Variants in DOCK4 observed in about 807,000 individuals in gnomAD.
DOCK4 encodes dedicator of cytokinesis protein 4.
Under a neutral mutation model 268.1 loss-of-function variants are expected in DOCK4, and 97 were observed. The ratio of observed to expected loss-of-function variants is 0.36; its 90% confidence interval spans 0.31 to 0.43. The LOEUF is 0.43. Ranked by LOEUF, DOCK4 falls within the 20% of genes least tolerant of loss-of-function variation. The pLI is 1.00. For missense variants in DOCK4, 2,145 were observed against 2,455.7 expected (o/e 0.87, Z 2.67); for synonymous variants, 954 against 887.2 (o/e 1.08, Z -1.34).
intron 30 of DOCK4, among the ~76,000 whole-genome samples, chr7:111,795,097 G>A (rs1191710267): frequency 1.3e-5 from 2 of 152,092 alleles, no homozygotes; most frequent in Non-Finnish European, 2.9e-5. Flanking sequence ...ATCATTCCAT[G>A]TGGTTGGGAT....
rs779379252 is a variant in DOCK4, at chr7:111,808,898, C to G, written c.3108-19G>C. ...ACCATACCTGAAATAGAACAAAAAA[C>G]CAAACCTGATACAATGCCTCCAGAA... On this transcript the variant is annotated intron_variant, in intron 29 of 52. Coordinates refer to ENST00000428084, the MANE Select transcript of DOCK4 (RefSeq NM_001363540.2). 1 of 1,610,164 alleles carries G rather than the reference C, an allele frequency of 6.2e-7. No individual in the cohort carries two copies. The highest frequency in any genetic ancestry group is 1.3e-5 in the African/African-American group (1 of 74,924).
chr7:111,760,206 C>T lies in DOCK4; in HGVS notation c.4137G>A (p.Glu1379=), dbSNP rs1468417535. ...ACTGAGCTTCTGCCTGGAAGATGGT[C>T]TCATCGGGCTGGTTGGCGTGCTGCA... is the stretch of plus-strand genomic sequence containing the variant. ...IAMQHANQPD[E]TIFQAEAQYL... is the part of the protein sequence containing the mutation. The change falls in exon 40 of 53, where the codon GAG becomes GAA. Residue 1379 remains glutamate (E), a synonymous_variant. Coordinates refer to ENST00000428084, the MANE Select transcript of DOCK4 (RefSeq NM_001363540.2). 1.2e-6 allele frequency: 2 copies of T among 1,613,876 alleles called. No individual in the cohort carries two copies. Among genetic ancestry groups the T allele is most frequent in the East Asian group, 2.2e-5 (1 of 44,896 alleles).
At chr7:112,035,198 A>T (rs1803646715) in intron 1 of DOCK4, among the ~76,000 whole-genome samples, 1 of 152,204 alleles carries the variant, frequency 6.6e-6, no homozygotes, top group South Asian at 2.1e-4. Flanking sequence ...TCCCAGATAA[A>T]GTAGAAATAA....
At chr7:112,175,870 T>C (rs1315036512) in intron 1 of DOCK4, among the ~76,000 whole-genome samples, 1 of 152,212 alleles carries the variant, frequency 6.6e-6, no homozygotes. Flanking sequence ...TACATTGAAA[T>C]TTAAGTGTGC....
intron 41 of DOCK4, among the ~76,000 whole-genome samples, chr7:111,756,962 A>T (rs1797062740): frequency 6.6e-6 from 1 of 151,984 alleles, no homozygotes; most frequent in Admixed American, 6.6e-5. Flanking sequence ...AGCCTGCGGG[A>T]GGAGGACAGC....
chr7:111,769,600 G>A lies in DOCK4; in HGVS notation c.3757C>T (p.Pro1253Ser). 6.2e-7 allele frequency: 1 copy of A among 1,613,818 alleles called. No individual in the cohort carries two copies. The highest frequency in any genetic ancestry group is 8.5e-7 in the Non-Finnish European group (1 of 1,179,822). Residue 1253 changes from proline (P) to serine (S), a missense_variant, in exon 37 of 53, where the codon CCC becomes TCC. Pro to Ser is a moderately conservative substitution (Grantham distance 74). Transcript: ENST00000428084. ...TTGCGCTGCCATTCTGTTTGCATGGGGTAGGTCAGGAACTCCCTGAGGGGC... is the reference window on the plus strand; with the variant it reads ...TTGCGCTGCCATTCTGTTTGCATGGAGTAGGTCAGGAACTCCCTGAGGGGC... ...DRPLREFLTY[P>S]MQTEWQRKEH...
At chr7:111,938,142 A>G (rs2134741137) in intron 11 of DOCK4, among the ~76,000 whole-genome samples, 1 of 152,346 alleles carries the variant, frequency 6.6e-6, no homozygotes, top group Admixed American at 6.5e-5. Context: ...TTTCACCAAA[A>G]GTTTTCAAGT....
chr7:112,082,486 T>TTATTGCCTATTA (rs1224712669), intron 1 of DOCK4, among the ~76,000 whole-genome samples: 3 of 152,202 alleles, frequency 2.0e-5, no homozygotes, highest in South Asian at 2.1e-4. Flanking sequence ...GATAATAGGA[T>TTATTGCCTATTA]TGGCAACCCA....
At position 111,740,729 on chromosome 7, in the gene DOCK4, T is replaced by TAACAAA. The variant is rs1795852315; in HGVS notation, c.5040+364_5040+365insTTTGTT. Among the ~76,000 whole-genome samples, 2 of 16,472 alleles carry TAACAAA rather than the reference T, an allele frequency of 1.2e-4. 1 individual carries two copies. Among genetic ancestry groups the TAACAAA allele is most frequent in the Non-Finnish European group, 1.9e-4 (2 of 10,716 alleles). The allele number at this position is 16,472 out of a possible 152,430, so 10.8% of individuals were successfully genotyped here. A position where few individuals can be genotyped will look rare whatever the true frequency, so the allele number is the denominator to read the frequency against. On this transcript the variant is annotated intron_variant, in intron 47 of 52. Transcript: ENST00000428084. ...GACTGGGAGACAGAGTGAGACTCGCTAAAAAAAAAAAAAAAAAAAAAAAAA... is the reference window on the plus strand; with the variant it reads ...GACTGGGAGACAGAGTGAGACTCGCTAACAAAAAAAAAAAAAAAAAAAAAAAAAAAA...
At chr7:112,185,089 T>C (rs1819387431) in intron 1 of DOCK4, among the ~76,000 whole-genome samples, 1 of 152,052 alleles carries the variant, frequency 6.6e-6, no homozygotes, top group Admixed American at 6.5e-5. Context: ...ATTTAAAAAA[T>C]AAAGAATCTA....
rs765295452 is a variant in DOCK4, at chr7:111,809,312, C to T, written c.3096G>A (p.Lys1032=). The T allele has an allele frequency of 1.3e-6, 2 of 1,557,394 alleles. No individual in the cohort carries two copies. The highest frequency in any genetic ancestry group is 2.7e-5 in the African/African-American group (2 of 73,480). ...LEMFTPSKKK[K]VLEKYGDMRV... ...ACACTGATACTTACTTTTCTAACAC[C>T]TTTTTCTTCTTGGAAGGTGTGAACA... Residue 1032 remains lysine (K), a synonymous_variant, in exon 29 of 53, where the codon AAG becomes AAA. Transcript: ENST00000428084.
chr7:112,129,075 AG>A (rs925762422), intron 1 of DOCK4, among the ~76,000 whole-genome samples: 2 of 152,204 alleles, frequency 1.3e-5, no homozygotes, highest in African/African-American at 4.8e-5. Context: ...GTAAACACTT[AG>A]GTGCTCACAA....
chr7:111,962,197 T>C (rs1041623663), intron 8 of DOCK4, among the ~76,000 whole-genome samples: 2 of 152,202 alleles, frequency 1.3e-5, no homozygotes, highest in African/African-American at 4.8e-5. Context: ...TATAATACCA[T>C]ATACCTAAAA....
At position 111,945,732 on chromosome 7, in the gene DOCK4, A is replaced by G; in HGVS notation, c.768T>C (p.His256=). The G allele has an allele frequency of 1.3e-6, 2 of 1,597,276 alleles. No individual in the cohort carries two copies. Among genetic ancestry groups the G allele is most frequent in the Non-Finnish European group, 1.7e-6 (2 of 1,171,482 alleles). ...LPKAPDKPER[H]CSLFVDLGSS... ...ATCCACTCACCACAAAGAGGGAGCAATGTCGTTCCGGTTTATCAGGGGCTT... is the reference window on the plus strand; with the variant it reads ...ATCCACTCACCACAAAGAGGGAGCAGTGTCGTTCCGGTTTATCAGGGGCTT... The change falls in exon 9 of 53, where the codon CAT becomes CAC. Residue 256 remains histidine (H), a synonymous_variant. Transcript: ENST00000428084.
intron 1 of DOCK4, among the ~76,000 whole-genome samples, chr7:112,200,731 A>AAAAAAC (rs1820847867): frequency 8.6e-6 from 1 of 115,804 alleles, no homozygotes; most frequent in Admixed American, 8.5e-5. Context: ...AAAATAAAAA[A>AAAAAAC]AAAAAAACAA....
chr7:111,853,937 GT>G (rs376993491), intron 23 of DOCK4, among the ~76,000 whole-genome samples: 3 of 148,842 alleles, frequency 2.0e-5, no homozygotes, highest in African/African-American at 2.5e-5. Context: ...TTGTTGTTTG[GT>G]TTTTTTTTTG....
chr7:111,984,425 T>G, intron 6 of DOCK4, 35 bp from the exon 7 acceptor site: 2 of 1,566,724 alleles, frequency 1.3e-6, no homozygotes, highest in Non-Finnish European at 1.7e-6. Context: ...GGGGGAAAAG[T>G]TACCTCCATG....
At chr7:112,131,727 C>T (rs575563881) in intron 1 of DOCK4, among the ~76,000 whole-genome samples, 58 of 152,196 alleles carry the variant, frequency 3.8e-4, no homozygotes, top group African/African-American at 1.3e-3. Flanking sequence ...AAAAAAAAAT[C>T]ATATGGCATA....
intron 11 of DOCK4, among the ~76,000 whole-genome samples, chr7:111,938,150 A>AGTAT (rs1171478083): frequency 6.6e-6 from 1 of 152,258 alleles, no homozygotes; most frequent in Non-Finnish European, 1.5e-5. Context: ...AAAGTTTTCA[A>AGTAT]GTTTAACATC....
Sources: gnomAD v4.1 joint callset for allele counts (sites outside exome capture counted in the v4.1 genomes callset) on GRCh38, gnomAD v4.1.1 for gene constraint, MANE v1.5 for transcripts, NCBI Gene and HGNC (gene_info 2026-07-23, HGNC 2026-07-21) for gene names.